CEP131: variants seen among roughly 807,000 people sequenced by gnomAD.
The protein encoded by CEP131 is centrosomal protein 131, also known as centrosomal protein of 131 kDa.
Under a neutral mutation model 136.8 loss-of-function variants are expected in CEP131, and 99 were observed. The observed-to-expected ratio is 0.72, with a 90% confidence interval of 0.62 to 0.86. CEP131 has a LOEUF of 0.86. Among genes scored for constraint, CEP131 ranks in the 40% least tolerant of loss-of-function variants. The pLI is 0.00. For synonymous variants in CEP131, 646 were observed against 612.7 expected (o/e 1.05, Z -0.80); for missense variants, 1,459 against 1,463.0 (o/e 1.00, Z 0.04).
At position 81,206,719 on chromosome 17, in the gene CEP131, T is replaced by C. The variant is rs112159819; in HGVS notation, c.515+25A>G. 2.8e-3 allele frequency: 4,437 copies of C among 1,589,566 alleles called. 106 individuals carry two copies. In the African/African-American group the frequency reaches 0.053, roughly 19 times the overall value. On this transcript the variant is annotated intron_variant, in intron 5 of 25. Coordinates refer to ENST00000450824, the MANE Select transcript of CEP131 (RefSeq NM_014984.4). ...TCCAGGAGCTTCCCACTGGTGCCCG[T>C]CGTGGGCACCTGCACAGGTCGTACC...
chr17:81,208,034 CCA>C lies in CEP131; in HGVS notation c.273-797_273-796del, dbSNP rs2062051011. Among the ~76,000 whole-genome samples, 1 of 77,692 alleles carries C rather than the reference CCA, an allele frequency of 1.3e-5. No homozygotes were observed. Among genetic ancestry groups the C allele is most frequent in the South Asian group, 5.3e-4 (1 of 1,898 alleles). 51.0% of individuals were successfully genotyped at this position (77,692 alleles called of 152,430 possible). A position where few individuals can be genotyped will look rare whatever the true frequency, so the allele number is the denominator to read the frequency against. On this transcript the variant is annotated intron_variant, in intron 3 of 25. Transcript: ENST00000450824. The surrounding 1 kb of genome is among the most constrained non-coding windows in gnomAD (Gnocchi z 5.6). The stretch of plus-strand genomic sequence containing the variant: ...ACCACTCACACCACACACCCACACA[CCA>C]CACACCCCCCACACACACCACACTC...
chr17:81,207,098 G>A lies in CEP131; in HGVS notation c.387+27C>T, dbSNP rs560481644. The A allele has an allele frequency of 2.2e-4, 354 of 1,597,616 alleles. 2 individuals carry two copies. The South Asian group carries it at 2.5e-3, about 11-fold the overall frequency. ...GCCACAATCCCATCACAGAGACCAG[G>A]ACGTGGGGCCGCATGCACCACCTTA... On this transcript the variant is annotated intron_variant, in intron 4 of 25. Transcript: ENST00000450824.
chr17:81,195,835 C>G lies in CEP131; in HGVS notation c.2016G>C (p.Leu672=). The change falls in exon 16 of 26, where the codon CTG becomes CTC. Residue 672 remains leucine, a splice_region_variant and synonymous_variant. Transcript: ENST00000450824. ...CGTGCAGTAGGGAGCAAAGCCTCAC[C>G]AGCTCGTGCTGCGCCTGTGCCTGGG... The part of the protein sequence containing the change: ...RVAQAQAQHE[L]EIKKLKELMS... 6.2e-7 allele frequency: 1 copy of G among 1,602,448 alleles called. No individual in the cohort carries two copies.
At chr17:81,207,060 A>T in intron 4 of CEP131, 65 bp downstream of exon 4, 2 of 1,560,918 alleles carry the variant, frequency 1.3e-6, no homozygotes, top group Non-Finnish European at 1.7e-6. Flanking sequence ...AGTGAGAACA[A>T]ATTAGGAACC....
At chr17:81,210,293 C>T (rs1423876634) in intron 2 of CEP131, among the ~76,000 whole-genome samples, 1 of 152,178 alleles carries the variant, frequency 6.6e-6, no homozygotes, top group African/African-American at 2.4e-5. Flanking sequence ...TGGAGACCGC[C>T]GGGCGCGGTG....
At chr17:81,214,444 T>C (rs902837279) in intron 2 of CEP131, among the ~76,000 whole-genome samples, 1 of 151,900 alleles carries the variant, frequency 6.6e-6, no homozygotes, top group Non-Finnish European at 1.5e-5. Context: ...TAATCCCAGC[T>C]ACTCGGGAGG....
chr17:81,214,159 A>G (rs1004206730), intron 2 of CEP131, among the ~76,000 whole-genome samples: 3 of 152,258 alleles, frequency 2.0e-5, no homozygotes, highest in African/African-American at 7.2e-5. Flanking sequence ...ATCATAATGT[A>G]AGATATTCAA....
chr17:81,194,709 G>A (rs1222994078), intron 17 of CEP131, among the ~76,000 whole-genome samples, 161 bp downstream of exon 17: 2 of 152,236 alleles, frequency 1.3e-5, no homozygotes. Flanking sequence ...GGCAGAAGCC[G>A]CAGCGGAGGC....
intron 3 of CEP131, among the ~76,000 whole-genome samples, chr17:81,207,923 A>T: frequency 0.014 from 1 of 70 alleles, no homozygotes; most frequent in Non-Finnish European, 0.029. Flanking sequence ...CACATAACAC[A>T]CACACCACAC....
intron 7 of CEP131, among the ~76,000 whole-genome samples, chr17:81,201,043 CTATTGTATACAAAT>C (rs2061879494): frequency 6.6e-6 from 1 of 152,062 alleles, no homozygotes; most frequent in Non-Finnish European, 1.5e-5. Flanking sequence ...TGGGCACCTT[CTATTGTATACAAAT>C]TATACTAAGT....
chr17:81,193,867 A>G, intron 18 of CEP131, 59 bp downstream of exon 18: 1 of 1,506,182 alleles, frequency 6.6e-7, no homozygotes, highest in Non-Finnish European at 8.9e-7. Context: ...CCAGCCTTCG[A>G]GGATTCCGAC....
intron 18 of CEP131, 96 bp downstream of exon 18, chr17:81,193,830 C>T (rs867243138): frequency 1.8e-5 from 24 of 1,361,068 alleles, no homozygotes; most frequent in Non-Finnish European, 2.2e-5. Context: ...CTAAGACCCT[C>T]GCCCACCTCT....
chr17:81,195,785 G>T, intron 16 of CEP131, 50 bp downstream of exon 16: 1 of 1,521,556 alleles, frequency 6.6e-7, no homozygotes, highest in Non-Finnish European at 9.0e-7. Flanking sequence ...AGCTGAGCCT[G>T]GCCTGTGAGC....
At position 81,203,686 on chromosome 17, in the gene CEP131, C is replaced by T. The variant is rs976362828; in HGVS notation, c.516-79G>A. The T allele has an allele frequency of 2.9e-5, 34 of 1,188,796 alleles. No individual in the cohort carries two copies. In the East Asian group the frequency reaches 3.6e-4, roughly 13 times the overall value. 73.6% of individuals were successfully genotyped at this position (1,188,796 alleles called of 1,614,324 possible). A position where few individuals can be genotyped will look rare whatever the true frequency, so the allele number is the denominator to read the frequency against. ...AGATCTCAGAGCTACACTCGCAGCA[C>T]GGGCTGGGAGGGAACAAAGGCCTTC... is the stretch of plus-strand genomic sequence containing the variant. On this transcript the variant is annotated intron_variant, in intron 5 of 25. Coordinates refer to ENST00000450824, the MANE Select transcript of CEP131 (RefSeq NM_014984.4). This position sits in a 1 kb window ranked among gnomAD's most constrained non-coding sequence, Gnocchi z 4.6.
intron 2 of CEP131, among the ~76,000 whole-genome samples, chr17:81,212,574 T>C (rs1390952311): frequency 8.7e-5 from 13 of 149,574 alleles, no homozygotes; most frequent in Admixed American, 6.0e-4. Flanking sequence ...CGAGGAGCCG[T>C]GGGCAGGAGT....
rs1555611265 is a variant in CEP131, at chr17:81,199,778, C to T, written c.964G>A (p.Ala322Thr). 2 of 1,611,688 alleles carry T rather than the reference C, an allele frequency of 1.2e-6. No individual in the cohort carries two copies. Among genetic ancestry groups the T allele is most frequent in the Non-Finnish European group, 1.7e-6 (2 of 1,179,994 alleles). Residue 322 changes from alanine to threonine, a missense_variant, in exon 9 of 26, where the codon GCA becomes ACA. Ala to Thr is a moderately conservative substitution (Grantham distance 58). This residue lies in a region of CEP131 where 246 missense variants were observed against 318.9 expected (regional missense o/e 0.77). Coordinates refer to ENST00000450824, the MANE Select transcript of CEP131 (RefSeq NM_014984.4). Reference protein sequence around the residue: ...TLLDLHQQKEAARRKAREEKA... With the variant: ...TLLDLHQQKETARRKAREEKA... The stretch of plus-strand genomic sequence containing the variant: ...TCCTCCCGGGCCTTCCTCCTGGCTG[C>T]CTCTTTCTGCTGGTGCAGGTCCAAG...
chr17:81,197,543 T>C lies in CEP131; in HGVS notation c.1647+169A>G, dbSNP rs1468659431. On this transcript the variant is annotated intron_variant, in intron 13 of 25. Coordinates refer to ENST00000450824, the MANE Select transcript of CEP131 (RefSeq NM_014984.4). ...GGTGCTGCATAACTAGGTGGGTACA[T>C]GGTGAGGGACCACCTCCTGCTGGGG... 9.7e-6 allele frequency: 10 copies of C among 1,030,494 alleles called. No individual in the cohort carries two copies. The East Asian group carries it at 1.1e-4, about 11-fold the overall frequency. 63.8% of individuals were successfully genotyped at this position (1,030,494 alleles called of 1,614,324 possible).
rs756695857 is a variant in CEP131, at chr17:81,189,892, C to T, written c.3168+23G>A. On this transcript the variant is annotated intron_variant, in intron 25 of 25. Transcript: ENST00000450824. ...GCCTGCTCCCAGCCCCGAGGTCCAG[C>T]AGGGCTGGCCACAGGGACTCACCTC... 6 of 1,612,608 alleles carry T rather than the reference C, an allele frequency of 3.7e-6. 1 individual carries two copies. Among genetic ancestry groups the T allele is most frequent in the Non-Finnish European group, 4.2e-6 (5 of 1,179,720 alleles).
chr17:81,208,763 C>T lies in CEP131; in HGVS notation c.272+165G>A, dbSNP rs1012999701. On this transcript the variant is annotated intron_variant, in intron 3 of 25. Transcript: ENST00000450824. The surrounding 1 kb of genome is among the most constrained non-coding windows in gnomAD (Gnocchi z 5.6). ...CCCCAATGCGAGAGGAGGCCTGGGA[C>T]ACAAAGCTGGCCCGTGAGGTCACTC... Among the ~76,000 whole-genome samples, 1 of 152,128 alleles carries T rather than the reference C, an allele frequency of 6.6e-6. No individual in the cohort carries two copies. Among genetic ancestry groups the T allele is most frequent in the African/African-American group, 2.4e-5 (1 of 41,434 alleles).
Sources: gnomAD v4.1 joint callset for allele counts (sites outside exome capture counted in the v4.1 genomes callset) on GRCh38, gnomAD v4.1.1 for gene constraint, gnomAD v4.1.1 regional missense constraint, Gnocchi (gnomAD v3.1) non-coding constraint, MANE v1.5 for transcripts, NCBI Gene and HGNC (gene_info 2026-07-23, HGNC 2026-07-21) for gene names.